Variants in SNTA1 observed in about 807,000 individuals in gnomAD.
SNTA1 encodes the protein alpha-1-syntrophin.
Under a neutral mutation model 47.1 loss-of-function variants are expected in SNTA1, and 31 were observed. That is an observed-to-expected ratio of 0.66 (90% CI 0.49 to 0.89). SNTA1 has a LOEUF of 0.89. Among genes scored for constraint, SNTA1 ranks in the 40% least tolerant of loss-of-function variants. SNTA1 has a pLI of 0.00. For synonymous variants in SNTA1, 300 were observed against 313.6 expected (o/e 0.96, Z 0.46); for missense variants, 575 against 693.0 (o/e 0.83, Z 1.91).
intron 4 of SNTA1, 38 bp from the exon 5 acceptor site, chr20:33,412,464 A>G: frequency 6.2e-7 from 1 of 1,608,338 alleles, no homozygotes. Flanking sequence ...TGGGTGGGGG[A>G]AGAGAGGGCA....
intron 2 of SNTA1, among the ~76,000 whole-genome samples, chr20:33,419,866 T>G (rs1045872823): frequency 3.3e-5 from 5 of 152,246 alleles, no homozygotes; most frequent in African/African-American, 1.2e-4. Context: ...TTCTCCTCCT[T>G]TAGCCTTTCA....
At chr20:33,439,308 A>G (rs1285771210) in intron 1 of SNTA1, among the ~76,000 whole-genome samples, 1 of 152,148 alleles carries the variant, frequency 6.6e-6, no homozygotes, top group Non-Finnish European at 1.5e-5. Context: ...GTTCAGGATC[A>G]GCCTGGGCAA....
chr20:33,442,535 G>A (rs899100424), intron 1 of SNTA1, among the ~76,000 whole-genome samples: 2 of 152,174 alleles, frequency 1.3e-5, no homozygotes, highest in African/African-American at 4.8e-5. Context: ...GTGTGCTGGT[G>A]TGGTGAGCCC....
chr20:33,408,977 G>C (rs1989670537), intron 6 of SNTA1, 89 bp from the exon 7 acceptor site: 3 of 1,184,754 alleles, frequency 2.5e-6, no homozygotes, highest in Non-Finnish European at 3.8e-6. Context: ...TACAAAGTGG[G>C]GCCTGAATGC....
Position 33,443,754 on chromosome 20 carries a change from G to C in SNTA1, c.-134C>G, listed in dbSNP as rs1340052297. 14 of 420,324 alleles carry C rather than the reference G, an allele frequency of 3.3e-5. No homozygotes were observed. Among genetic ancestry groups the C allele is most frequent in the South Asian group, 3.2e-4 (3 of 9,232 alleles). The allele number at this position is 420,324 out of a possible 1,614,324, so 26.0% of individuals were successfully genotyped here. On this transcript the variant is annotated 5_prime_UTR_variant, in exon 1 of 8. Coordinates refer to ENST00000217381, the MANE Select transcript of SNTA1 (RefSeq NM_003098.3). The stretch of plus-strand genomic sequence containing the variant: ...CGCCACCCTACCCCGGCCGCTGGGG[G>C]AGGAGCTCTGGGGGCGGGGCTACCC...
At chr20:33,421,350 G>A (rs566755512) in intron 2 of SNTA1, among the ~76,000 whole-genome samples, 144 of 152,252 alleles carry the variant, frequency 9.5e-4, no homozygotes, top group African/African-American at 3.3e-3. Flanking sequence ...AGTGGCTCAC[G>A]CCTGTAATCC....
Position 33,408,146 on chromosome 20 carries a change from G to T in SNTA1, c.*361C>A, listed in dbSNP as rs888900311. On this transcript the variant is annotated 3_prime_UTR_variant, in exon 8 of 8. Coordinates refer to ENST00000217381, the MANE Select transcript of SNTA1 (RefSeq NM_003098.3). ...ACTCCAGCTTCAGATGGGACCTCTG[G>T]GGGTGGCTTAGGGGCCTCGAGGAGG... 5.7e-5 allele frequency: 19 copies of T among 336,140 alleles called. No individual in the cohort carries two copies. Among genetic ancestry groups the T allele is most frequent in the South Asian group, 1.2e-4 (4 of 33,808 alleles). 20.8% of individuals were successfully genotyped at this position (336,140 alleles called of 1,614,324 possible).
At chr20:33,431,091 C>T (rs1990296387) in intron 2 of SNTA1, among the ~76,000 whole-genome samples, 1 of 151,638 alleles carries the variant, frequency 6.6e-6, no homozygotes. Flanking sequence ...GACCCTGTCT[C>T]TACAAAAAAT....
Position 33,424,856 on chromosome 20 carries a change from C to G in SNTA1, c.497-6933G>C, listed in dbSNP as rs575374441. 2.8e-4 allele frequency among the ~76,000 whole-genome samples: 43 copies of G among 151,414 alleles called. No individual in the cohort carries two copies. The South Asian group carries it at 7.8e-3, about 27-fold the overall frequency. On this transcript the variant is annotated intron_variant, in intron 2 of 7. Coordinates refer to ENST00000217381, the MANE Select transcript of SNTA1 (RefSeq NM_003098.3). ...ACTAGGCCGGGCACAGTGGCTCGTG[C>G]CTGTAATCCCAGCACTTTGGGGGGC... is the stretch of plus-strand genomic sequence containing the variant.
chr20:33,428,540 T>G (rs1990218293), intron 2 of SNTA1, among the ~76,000 whole-genome samples: 1 of 152,192 alleles, frequency 6.6e-6, no homozygotes, highest in Non-Finnish European at 1.5e-5. Flanking sequence ...CAACACTGGT[T>G]ATCTCTATAA....
intron 2 of SNTA1, among the ~76,000 whole-genome samples, chr20:33,436,653 T>C (rs1242311117): frequency 2.6e-5 from 4 of 151,878 alleles, no homozygotes; most frequent in African/African-American, 9.7e-5. Context: ...CCAGGCAACA[T>C]GGTGAAACCC....
At position 33,417,906 on chromosome 20, in the gene SNTA1, C is replaced by A. The variant is rs775580363; in HGVS notation, c.514G>T (p.Val172Phe). 1 of 1,613,448 alleles carries A rather than the reference C, an allele frequency of 6.2e-7. No homozygotes were observed. Among genetic ancestry groups the A allele is most frequent in the East Asian group, 2.2e-5 (1 of 44,868 alleles). ...VVLEVKYMKD[V>F]SPYFKNSTGG... is the part of the protein sequence containing the mutation. ...GTAGAGTTCTTGAAATACGGTGAGA[C>A]GTCCTTCATATACTTGACTGATTGG... The change falls in exon 3 of 8, where the codon GTC becomes TTC. Residue 172 changes from valine to phenylalanine, a missense_variant. Val to Phe is a conservative substitution (Grantham distance 50). Transcript: ENST00000217381.
At chr20:33,435,257 G>C (rs1249474262) in intron 2 of SNTA1, among the ~76,000 whole-genome samples, 1 of 150,580 alleles carries the variant, frequency 6.6e-6, no homozygotes, top group Non-Finnish European at 1.5e-5. Flanking sequence ...CTCCCAAAGT[G>C]CTGGGATTAC....
At chr20:33,413,869 G>A (rs1989808683) in intron 3 of SNTA1, among the ~76,000 whole-genome samples, 1 of 151,540 alleles carries the variant, frequency 6.6e-6, no homozygotes, top group Non-Finnish European at 1.5e-5. Context: ...GAGCCCAGGA[G>A]TTTGAGGCTG....
In SNTA1 at chr20:33,412,609, TG is replaced by T; in HGVS notation, c.874del (p.Gln292ArgfsTer9). ...LLAATSTAGS[Q>X]DIKQIGWLTE... ...TAGCCAGCCAATCTGCTTGATGTCC[TG>T]GCTCCCAGCTGTGCTGGTGGCTGCC... On this transcript the variant is annotated frameshift_variant, in exon 4 of 8. Transcript: ENST00000217381. LOFTEE classifies it high-confidence loss of function. 6.2e-7 allele frequency: 1 copy of T among 1,613,920 alleles called. No homozygotes were observed.
chr20:33,443,173 C>T lies in SNTA1; in HGVS notation c.310+138G>A, dbSNP rs376288860. On this transcript the variant is annotated intron_variant, in intron 1 of 7. Transcript: ENST00000217381. ...CAACCTTGGTGTGCCCAGTGCCCTC[C>T]GTTACCTGTTTCCTCAGACCCCCCT... The T allele has an allele frequency of 2.0e-5, 11 of 560,788 alleles. No homozygotes were observed. The African/African-American group carries it at 2.2e-4, about 11-fold the overall frequency. 34.7% of individuals were successfully genotyped at this position (560,788 alleles called of 1,614,324 possible). A position where few individuals can be genotyped will look rare whatever the true frequency, so the allele number is the denominator to read the frequency against.
Position 33,410,241 on chromosome 20 carries a change from G to T in SNTA1, c.1131C>A (p.Asp377Glu). 1.2e-6 allele frequency: 2 copies of T among 1,613,694 alleles called. No individual in the cohort carries two copies. The highest frequency in any genetic ancestry group is 1.7e-6 in the Non-Finnish European group (2 of 1,179,914). The change falls in exon 6 of 8, where the codon GAC becomes GAA. Residue 377 changes from aspartate (D) to glutamate (E), a missense_variant. Physicochemically the swap from Asp to Glu is conservative, Grantham distance 45. Coordinates refer to ENST00000217381, the MANE Select transcript of SNTA1 (RefSeq NM_003098.3). ...ALRTGTRHGV[D>E]THLFSVESPQ... is the part of the protein sequence containing the mutation. The stretch of plus-strand genomic sequence containing the variant: ...GTGACTCCACGCTGAACAGGTGAGT[G>T]TCCACACCGTGACGCGTGCCCGTGC...
chr20:33,434,750 C>T (rs1387627547), intron 2 of SNTA1, among the ~76,000 whole-genome samples: 1 of 151,372 alleles, frequency 6.6e-6, no homozygotes, highest in African/African-American at 2.4e-5. Flanking sequence ...GTTGCCCAAG[C>T]TGGTCTCGAA....
intron 3 of SNTA1, among the ~76,000 whole-genome samples, chr20:33,415,520 T>C (rs1159657952): frequency 1.3e-5 from 2 of 151,856 alleles, no homozygotes; most frequent in Admixed American, 6.6e-5. Flanking sequence ...CGGTGGCTCA[T>C]GCCTGTAATC....
Sources: allele counts gnomAD v4.1 joint callset (sites outside exome capture counted in the v4.1 genomes callset), GRCh38; gene constraint gnomAD v4.1.1; transcripts MANE v1.5; gene names NCBI Gene and HGNC (gene_info 2026-07-23, HGNC 2026-07-21).